The following TRIO variants were observed in gnomAD, a reference collection of about 807,000 sequenced individuals.
TRIO encodes triple functional domain protein.
Under a neutral mutation model 351.9 loss-of-function variants are expected in TRIO, and 58 were observed. The observed-to-expected ratio is 0.16, with a 90% CI of 0.13 to 0.21. TRIO has a LOEUF of 0.21. TRIO is among the 10% of genes least tolerant of loss of function. TRIO has a pLI of 1.00. For synonymous variants in TRIO, 1,758 were observed against 1,595.7 expected, an observed-to-expected ratio of 1.10 and a Z score of -2.42; for missense variants, 3,201 against 4,027.8, an observed-to-expected ratio of 0.79 and a Z score of 5.56.
chr5:14,357,327 A>G (rs1214541779), intron 11 of TRIO, among the ~76,000 whole-genome samples: 1 of 152,168 alleles, frequency 6.6e-6, no homozygotes, highest in Non-Finnish European at 1.5e-5. Flanking sequence ...GGCTGAAAGC[A>G]TTTTCTCTAC....
rs1234883887 is a variant in TRIO, at chr5:14,487,872, T to C, written c.7244T>C (p.Leu2415Pro). ...EAEPIPKMKV[L>P]ESPRKGAANA... ...GAGCCGATCCCCAAGATGAAGGTGC[T>C]GGAGAGCCCCAGGAAAGGCGCCGCG... is the stretch of plus-strand genomic sequence containing the variant. Residue 2415 changes from leucine (L) to proline (P), a missense_variant, in exon 48 of 57, where the codon CTG (leucine) becomes CCG (proline). Physicochemically the swap from Leu to Pro is moderately conservative, Grantham distance 98. This residue lies in a region of TRIO where 1,089 missense variants were observed against 954.9 expected (regional missense o/e 1.14). Coordinates refer to ENST00000344204, the MANE Select transcript of TRIO (RefSeq NM_007118.4). 6 of 1,539,182 alleles carry C rather than the reference T, an allele frequency of 3.9e-6. No homozygotes were observed. Among genetic ancestry groups the C allele is most frequent in the Non-Finnish European group, 5.3e-6 (6 of 1,142,568 alleles).
chr5:14,165,227 G>A (rs1334661494), intron 1 of TRIO, among the ~76,000 whole-genome samples: 1 of 152,176 alleles, frequency 6.6e-6, no homozygotes, highest in East Asian at 1.9e-4. Context: ...CGTCACCCAG[G>A]TAGTGAGCAT....
intron 1 of TRIO, among the ~76,000 whole-genome samples, chr5:14,230,917 T>C (rs191819193): frequency 6.6e-6 from 1 of 152,312 alleles, no homozygotes; most frequent in East Asian, 1.9e-4. Context: ...CCCCTGCACA[T>C]CTTACTTCTG....
intron 17 of TRIO, 104 bp downstream of exon 17, chr5:14,369,003 A>T (rs1744842670): frequency 6.5e-6 from 9 of 1,384,952 alleles, no homozygotes; most frequent in Non-Finnish European, 8.9e-6. Context: ...TTATTGAAAC[A>T]ATCAGTTGCC....
At chr5:14,345,668 C>G (rs1390123153) in intron 11 of TRIO, among the ~76,000 whole-genome samples, 1 of 152,174 alleles carries the variant, frequency 6.6e-6, no homozygotes, top group Non-Finnish European at 1.5e-5. Context: ...TCAAGCAGTT[C>G]TCCTGCCTCA....
At chr5:14,343,139 C>G (rs1279619277) in intron 11 of TRIO, among the ~76,000 whole-genome samples, 3 of 150,536 alleles carry the variant, frequency 2.0e-5, no homozygotes, top group African/African-American at 7.3e-5. Flanking sequence ...TCCCATGCAT[C>G]TTCACCAAGC....
intron 1 of TRIO, among the ~76,000 whole-genome samples, chr5:14,238,254 G>A (rs1343961598): frequency 6.6e-6 from 1 of 152,148 alleles, no homozygotes; most frequent in African/African-American, 2.4e-5. Context: ...ATGCTGGGAG[G>A]GACTTCCTGC....
chr5:14,502,604 G>A lies in TRIO; in HGVS notation c.8358G>A (p.Val2786=). The A allele has an allele frequency of 6.2e-7, 1 of 1,614,214 alleles. No homozygotes were observed. The highest frequency in any genetic ancestry group is 1.1e-5 in the South Asian group (1 of 91,086). ...GTCCAGGGATGGATGGGATCATGGTGACCTGGAAAGACAACTTTGACTCCT... is the reference window on the plus strand; with the variant it reads ...GTCCAGGGATGGATGGGATCATGGTAACCTGGAAAGACAACTTTGACTCCT... ...VLGPGMDGIM[V]TWKDNFDSFY... is the part of the protein sequence containing the mutation. The change falls in exon 54 of 57, where the codon GTG becomes GTA. Residue 2786 remains valine (V), a synonymous_variant. Transcript: ENST00000344204.
intron 3 of TRIO, among the ~76,000 whole-genome samples, chr5:14,282,095 A>G (rs1736055780): frequency 2.0e-5 from 3 of 152,300 alleles, no homozygotes; most frequent in South Asian, 2.1e-4. Context: ...TGAGAAAACT[A>G]TCACTGTGTG....
Position 14,275,940 on chromosome 5 carries a change from CTA to C in TRIO, c.233-4373_233-4372del, listed in dbSNP as rs886843180. On this transcript the variant is annotated intron_variant, in intron 2 of 56. Transcript: ENST00000344204. ...TATGTATGTTTATATATATGTGTGT[CTA>C]TATATATACATATATATACATATAT... Among the ~76,000 whole-genome samples the C allele has an allele frequency of 1.1e-4, 16 of 144,064 alleles. No individual in the cohort carries two copies. In the Middle Eastern group the frequency reaches 0.011, roughly 98 times the overall value. 94.5% of individuals were successfully genotyped at this position (144,064 alleles called of 152,430 possible).
chr5:14,445,700 A>G (rs1468682258), intron 34 of TRIO, among the ~76,000 whole-genome samples: 1 of 152,194 alleles, frequency 6.6e-6, no homozygotes, highest in Non-Finnish European at 1.5e-5. Context: ...CTGAGACAAA[A>G]TATATTAGCC....
At chr5:14,432,046 C>T (rs1045615842) in intron 34 of TRIO, among the ~76,000 whole-genome samples, 1 of 152,134 alleles carries the variant, frequency 6.6e-6, no homozygotes, top group South Asian at 2.1e-4. Flanking sequence ...TTTAGGGGGA[C>T]ACACTTCAGC....
chr5:14,236,756 T>G (rs1793790518), intron 1 of TRIO, among the ~76,000 whole-genome samples: 1 of 152,220 alleles, frequency 6.6e-6, no homozygotes, highest in Non-Finnish European at 1.5e-5. Flanking sequence ...GATATACAGT[T>G]CTGTGGCTTT....
chr5:14,338,135 G>A (rs1033533432), intron 11 of TRIO, among the ~76,000 whole-genome samples: 2 of 152,182 alleles, frequency 1.3e-5, no homozygotes, highest in African/African-American at 4.8e-5. Flanking sequence ...AACCGAGCTT[G>A]TCTCTTGCTG....
At chr5:14,272,108 T>C (rs1030280440) in intron 2 of TRIO, among the ~76,000 whole-genome samples, 1 of 152,200 alleles carries the variant, frequency 6.6e-6, no homozygotes, top group Non-Finnish European at 1.5e-5. Context: ...TATTTGCTCT[T>C]CTCTAATCAT....
intron 34 of TRIO, among the ~76,000 whole-genome samples, chr5:14,440,024 C>T (rs1410914314): frequency 6.6e-6 from 1 of 151,746 alleles, no homozygotes; most frequent in African/African-American, 2.4e-5. Flanking sequence ...GAGGTGGGGA[C>T]AAAACCAAAA....
At chr5:14,301,279 C>T (rs184734953) in intron 7 of TRIO, among the ~76,000 whole-genome samples, 78 of 152,172 alleles carry the variant, frequency 5.1e-4, no homozygotes, top group African/African-American at 1.7e-3. Context: ...TTTCTTAATA[C>T]GACCATTCTG....
At chr5:14,237,489 A>T (rs1793850827) in intron 1 of TRIO, among the ~76,000 whole-genome samples, 1 of 152,140 alleles carries the variant, frequency 6.6e-6, no homozygotes, top group African/African-American at 2.4e-5. Context: ...GAGAATCCGG[A>T]TTCGTGAAGG....
At chr5:14,334,703 A>G (rs1366637557) in intron 10 of TRIO, among the ~76,000 whole-genome samples, 1 of 152,262 alleles carries the variant, frequency 6.6e-6, no homozygotes, top group Non-Finnish European at 1.5e-5. Flanking sequence ...CGTTGTGCCC[A>G]TGATAGAGAT....
Sources: allele counts gnomAD v4.1 joint callset (sites outside exome capture counted in the v4.1 genomes callset), GRCh38; gene constraint gnomAD v4.1.1; regional missense constraint gnomAD v4.1.1; transcripts MANE v1.5; gene names NCBI Gene and HGNC (gene_info 2026-07-23, HGNC 2026-07-21).